USH2A: variants seen among roughly 807,000 people sequenced by gnomAD.
USH2A encodes the protein Usher syndrome 2A (autosomal recessive, mild).
USH2A carries 443 observed loss-of-function variants against 538.9 expected under a neutral mutation model. The observed-to-expected ratio is 0.82, with a 90% confidence interval of 0.76 to 0.89. The LOEUF is 0.89. Among genes scored for constraint, USH2A ranks in the 40% least tolerant of loss-of-function variants. The probability of loss-of-function intolerance (pLI) is 0.00; values close to 1 mark genes in which losing one functional copy is unlikely to be tolerated. For synonymous variants in USH2A, 2,413 were observed against 2,273.5 expected (o/e 1.06, Z -1.75); for missense variants, 6,633 against 6,324.8 (o/e 1.05, Z -1.65).
At chr1:216,125,231 TA>T (rs1213617010) in intron 21 of USH2A, among the ~76,000 whole-genome samples, 3 of 123,710 alleles carry the variant, frequency 2.4e-5, no homozygotes, top group Admixed American at 8.6e-5. Context: ...AGCTTTTATT[TA>T]AACAAGCAAA....
chr1:216,026,835 C>T (rs1373820171), intron 32 of USH2A, among the ~76,000 whole-genome samples: 1 of 152,138 alleles, frequency 6.6e-6, no homozygotes, highest in Admixed American at 6.5e-5. Context: ...CATATGTCTA[C>T]AAGCACCAGG....
rs1445673416 is a variant in USH2A, at chr1:216,409,177, A to G, written c.651+9337T>C. On this transcript the variant is annotated intron_variant, in intron 3 of 71. Coordinates refer to ENST00000307340, the MANE Select transcript of USH2A (RefSeq NM_206933.4). ...ATACAGTTAACCAGGGAGGGGAAAGATCTGTACAATGAGAAATGCAAAGCA... is the reference window on the plus strand; with the variant it reads ...ATACAGTTAACCAGGGAGGGGAAAGGTCTGTACAATGAGAAATGCAAAGCA... Among the ~76,000 whole-genome samples the G allele has an allele frequency of 2.0e-5, 3 of 152,138 alleles. No homozygotes were observed. The East Asian group carries it at 5.8e-4, about 29-fold the overall frequency.
chr1:216,318,118 G>A (rs867229277), intron 9 of USH2A, among the ~76,000 whole-genome samples: 1 of 152,162 alleles, frequency 6.6e-6, no homozygotes, highest in South Asian at 2.1e-4. Context: ...TTTCTCATAG[G>A]AAAGACAATT....
At chr1:216,058,598 T>G (rs1012027499) in intron 30 of USH2A, among the ~76,000 whole-genome samples, 22 of 127,640 alleles carry the variant, frequency 1.7e-4, no homozygotes, top group Non-Finnish European at 1.7e-5. Context: ...AGTTATTTAT[T>G]AGTCTTACCC....
At chr1:215,930,515 C>T (rs1666337250) in intron 38 of USH2A, among the ~76,000 whole-genome samples, 1 of 152,024 alleles carries the variant, frequency 6.6e-6, no homozygotes, top group Non-Finnish European at 1.5e-5. Flanking sequence ...AGCTTCTTTG[C>T]CTTCCTCCTC....
At chr1:216,311,702 G>C (rs1369602091) in intron 9 of USH2A, among the ~76,000 whole-genome samples, 1 of 152,114 alleles carries the variant, frequency 6.6e-6, no homozygotes, top group African/African-American at 2.4e-5. Context: ...GAGGACGGGA[G>C]AACCGCAGGT....
At chr1:215,788,376 T>C (rs1170071367) in intron 51 of USH2A, among the ~76,000 whole-genome samples, 2 of 152,140 alleles carry the variant, frequency 1.3e-5, no homozygotes, top group Non-Finnish European at 1.5e-5. Flanking sequence ...GAACTGTCTG[T>C]GTGCAATTGT....
intron 32 of USH2A, among the ~76,000 whole-genome samples, chr1:216,023,477 A>AAAAAAAAAAAAAAAAAAAAAAAAAAAAC (rs1668891739): frequency 7.0e-6 from 1 of 142,052 alleles, no homozygotes; most frequent in Non-Finnish European, 1.6e-5. Context: ...AAAAAAAAAA[A>AAAAAAAAAAAAAAAAAAAAAAAAAAAAC]AAAAATCAAA....
chr1:215,993,614 G>A (rs1021317276), intron 34 of USH2A, among the ~76,000 whole-genome samples: 2 of 151,708 alleles, frequency 1.3e-5, no homozygotes, highest in Admixed American at 6.6e-5. Context: ...TGACTTCTAG[G>A]GAAGAAAAGA....
intron 38 of USH2A, among the ~76,000 whole-genome samples, chr1:215,914,258 G>A (rs1053634295): frequency 1.3e-5 from 2 of 151,612 alleles, no homozygotes; most frequent in Non-Finnish European, 2.9e-5. Flanking sequence ...AAACAGAAAA[G>A]AAATGTCATG....
chr1:215,940,804 CT>C (rs1346884580), intron 37 of USH2A, among the ~76,000 whole-genome samples: 1 of 152,050 alleles, frequency 6.6e-6, no homozygotes, highest in African/African-American at 2.4e-5. Flanking sequence ...TCTTTGACTC[CT>C]CTTTAAATTG....
At chr1:216,315,820 C>A (rs1475152391) in intron 9 of USH2A, among the ~76,000 whole-genome samples, 1 of 151,890 alleles carries the variant, frequency 6.6e-6, no homozygotes, top group Non-Finnish European at 1.5e-5. Context: ...ATGTTTGTAA[C>A]TTGTGAGATA....
intron 44 of USH2A, among the ~76,000 whole-genome samples, chr1:215,865,898 TG>T (rs1341922046): frequency 6.6e-6 from 1 of 152,214 alleles, no homozygotes; most frequent in Non-Finnish European, 1.5e-5. Flanking sequence ...AATTCACAAT[TG>T]ATATCACTCA....
At chr1:216,255,687 G>A (rs1267529177) in intron 11 of USH2A, among the ~76,000 whole-genome samples, 2 of 152,154 alleles carry the variant, frequency 1.3e-5, no homozygotes, top group African/African-American at 2.4e-5. Context: ...GGCCTGAAAA[G>A]TAGGTGTAGT....
At chr1:215,748,909 GAAAT>G (rs1419166525) in intron 58 of USH2A, among the ~76,000 whole-genome samples, 1 of 152,112 alleles carries the variant, frequency 6.6e-6, no homozygotes, top group African/African-American at 2.4e-5. Context: ...GGAACAAAAT[GAAAT>G]AAAGAACAAA....
intron 40 of USH2A, among the ~76,000 whole-genome samples, chr1:215,898,200 A>G (rs1274100180): frequency 6.6e-6 from 1 of 152,218 alleles, no homozygotes; most frequent in Non-Finnish European, 1.5e-5. Context: ...AACACAAATA[A>G]TGGTTATGAG....
At chr1:215,879,820 G>A (rs1178058896) in intron 41 of USH2A, among the ~76,000 whole-genome samples, 1 of 152,154 alleles carries the variant, frequency 6.6e-6, no homozygotes, top group Non-Finnish European at 1.5e-5. Context: ...AAACTCTACA[G>A]GAGCATAGTG....
intron 4 of USH2A, among the ~76,000 whole-genome samples, chr1:216,327,995 A>C (rs1356812858): frequency 1.3e-5 from 2 of 152,042 alleles, no homozygotes; most frequent in Non-Finnish European, 2.9e-5. Context: ...TCAGCCCTAA[A>C]TTTGATTGTC....
intron 4 of USH2A, among the ~76,000 whole-genome samples, chr1:216,355,388 A>G (rs1368776335): frequency 2.0e-5 from 3 of 151,450 alleles, no homozygotes; most frequent in Admixed American, 6.6e-5. Context: ...GGAAAGAAAC[A>G]TATAGTATAC....
Sources: gnomAD v4.1 joint callset for allele counts (sites outside exome capture counted in the v4.1 genomes callset) on GRCh38, gnomAD v4.1.1 for gene constraint, MANE v1.5 for transcripts, NCBI Gene and HGNC (gene_info 2026-07-23, HGNC 2026-07-21) for gene names.